STAC: variants seen among roughly 807,000 people sequenced by gnomAD.
STAC encodes the protein SH3 and cysteine rich domain.
Under a neutral mutation model 48.8 loss-of-function variants are expected in STAC, and 43 were observed. That is an observed-to-expected ratio of 0.88 (90% CI 0.69 to 1.14). The LOEUF (loss-of-function observed/expected upper bound fraction) is 1.14, where lower values mean the gene tolerates loss of function less well. Among genes scored for constraint, STAC ranks in the 50% most tolerant of loss-of-function variants. STAC has a pLI of 0.00. For synonymous variants in STAC, 193 were observed against 179.5 expected, an observed-to-expected ratio of 1.07 and a Z score of -0.60; for missense variants, 497 against 504.0, an observed-to-expected ratio of 0.99 and a Z score of 0.13.
intron 6 of STAC, among the ~76,000 whole-genome samples, chr3:36,501,262 T>A (rs987359127): frequency 8.5e-5 from 13 of 152,136 alleles, no homozygotes; most frequent in Non-Finnish European, 1.8e-4. Flanking sequence ...TAAGAAAGTC[T>A]GAAAAGTAAT....
intron 3 of STAC, among the ~76,000 whole-genome samples, chr3:36,484,493 A>G (rs1697746714): frequency 6.6e-6 from 1 of 152,252 alleles, no homozygotes; most frequent in African/African-American, 2.4e-5. Context: ...AACAGAGAAT[A>G]GAATCCAGAT....
chr3:36,516,263 C>T (rs1221688652), intron 8 of STAC, among the ~76,000 whole-genome samples: 2 of 151,890 alleles, frequency 1.3e-5, no homozygotes, highest in Middle Eastern at 3.2e-3. Context: ...ATTACAGGCG[C>T]GAACCACCGT....
chr3:36,538,037 G>A (rs1247299027), intron 10 of STAC, among the ~76,000 whole-genome samples: 2 of 151,750 alleles, frequency 1.3e-5, no homozygotes, highest in African/African-American at 4.8e-5. Flanking sequence ...TTTTTAAGAG[G>A]TATAAAAGAT....
intron 1 of STAC, among the ~76,000 whole-genome samples, chr3:36,416,340 G>T (rs2125639925): frequency 6.6e-6 from 1 of 152,260 alleles, no homozygotes; most frequent in South Asian, 2.1e-4. Flanking sequence ...AACCATGGTG[G>T]CACATGCCTG....
intron 2 of STAC, among the ~76,000 whole-genome samples, chr3:36,455,061 T>A (rs1343635254): frequency 1.3e-5 from 2 of 152,206 alleles, no homozygotes; most frequent in Admixed American, 1.3e-4. Flanking sequence ...GACTAAATAA[T>A]AGACCAGAAA....
intron 2 of STAC, among the ~76,000 whole-genome samples, chr3:36,481,591 C>T (rs931645803): frequency 3.9e-5 from 6 of 152,144 alleles, no homozygotes; most frequent in African/African-American, 1.2e-4. Context: ...CCTGTATCTC[C>T]CCTCTAAAGA....
At position 36,528,879 on chromosome 3, in the gene STAC, C is replaced by T; in HGVS notation, c.1004C>T (p.Pro335Leu). The T allele has an allele frequency of 6.2e-7, 1 of 1,613,496 alleles. No individual in the cohort carries two copies. The highest frequency in any genetic ancestry group is 8.5e-7 in the Non-Finnish European group (1 of 1,179,766). ...ATTCAAGACAGAATTGGCTTCTTTCCAGCCAACTTTGTTCAGAGACTACAA... is the reference window on the plus strand; with the variant it reads ...ATTCAAGACAGAATTGGCTTCTTTCTAGCCAACTTTGTTCAGAGACTACAA... ...GKIQDRIGFF[P>L]ANFVQRLQQN... Residue 335 changes from proline to leucine, a missense_variant, in exon 10 of 11, where the codon CCA (proline) becomes CTA (leucine). Pro to Leu is a moderately conservative substitution (Grantham distance 98). Transcript: ENST00000273183.
chr3:36,524,751 G>A (rs879613603), intron 8 of STAC, among the ~76,000 whole-genome samples: 4 of 151,950 alleles, frequency 2.6e-5, no homozygotes, highest in Admixed American at 2.6e-4. Context: ...AAAGAGTGCT[G>A]AGATTGTTGG....
At chr3:36,539,987 G>T (rs1369347526) in intron 10 of STAC, among the ~76,000 whole-genome samples, 1 of 152,088 alleles carries the variant, frequency 6.6e-6, no homozygotes, top group African/African-American at 2.4e-5. Flanking sequence ...TAGATTATCT[G>T]GATTATCAGG....
chr3:36,389,155 G>C (rs1026737735), intron 1 of STAC, among the ~76,000 whole-genome samples: 3 of 152,008 alleles, frequency 2.0e-5, no homozygotes, highest in African/African-American at 7.2e-5. Flanking sequence ...AATATTTCCT[G>C]CCAAAATTCT....
intron 1 of STAC, among the ~76,000 whole-genome samples, chr3:36,400,895 T>C (rs1699987937): frequency 6.6e-6 from 1 of 152,188 alleles, no homozygotes; most frequent in East Asian, 1.9e-4. Flanking sequence ...GCTCCGATTA[T>C]AGCCTCTGTC....
intron 2 of STAC, among the ~76,000 whole-genome samples, chr3:36,474,952 G>A (rs1233729560): frequency 6.6e-6 from 1 of 152,144 alleles, no homozygotes; most frequent in Non-Finnish European, 1.5e-5. Flanking sequence ...AGTAGAATCA[G>A]GATGAAAATT....
At chr3:36,438,241 A>G (rs1244945043) in intron 1 of STAC, among the ~76,000 whole-genome samples, 1 of 152,176 alleles carries the variant, frequency 6.6e-6, no homozygotes, top group African/African-American at 2.4e-5. Context: ...TGATTGAATT[A>G]TTTAATGAAT....
At chr3:36,440,262 T>C (rs1346996472) in intron 1 of STAC, among the ~76,000 whole-genome samples, 1 of 152,200 alleles carries the variant, frequency 6.6e-6, no homozygotes, top group Admixed American at 6.5e-5. Context: ...AGAACAGCAT[T>C]GTACCAGTTA....
In STAC at chr3:36,547,002, G is replaced by C. The variant is rs1281021112; in HGVS notation, c.*713G>C. 6.6e-6 allele frequency: 1 copy of C among 152,378 alleles called. No individual in the cohort carries two copies. Among genetic ancestry groups the C allele is most frequent in the Non-Finnish European group, 1.5e-5 (1 of 68,184 alleles). 9.4% of individuals were successfully genotyped at this position (152,378 alleles called of 1,614,324 possible). Reference sequence around the variant, plus strand: ...TTCCTGCTGTTCTAGGTACTGGCCTGGGTGACAGAGCAGGACATGAGACAT... The same window carrying C: ...TTCCTGCTGTTCTAGGTACTGGCCTCGGTGACAGAGCAGGACATGAGACAT... On this transcript the variant is annotated 3_prime_UTR_variant, in exon 11 of 11. Transcript: ENST00000273183.
intron 1 of STAC, among the ~76,000 whole-genome samples, chr3:36,401,143 C>T (rs1206191742): frequency 1.3e-5 from 2 of 152,158 alleles, no homozygotes; most frequent in East Asian, 3.9e-4. Flanking sequence ...CCTATGTTTA[C>T]ATTTTGGAGT....
Position 36,483,044 on chromosome 3 carries a change from C to T in STAC, c.441C>T (p.His147=), listed in dbSNP as rs1697697982. 5 of 1,614,208 alleles carry T rather than the reference C, an allele frequency of 3.1e-6. No homozygotes were observed. The highest frequency in any genetic ancestry group is 4.2e-6 in the Non-Finnish European group (5 of 1,180,012). ...GCAAAGCCTGTAAGATGAGCATCCACCACAAGTGCACAGATGGCCTGGCAC... is the reference window on the plus strand; with the variant it reads ...GCAAAGCCTGTAAGATGAGCATCCATCACAAGTGCACAGATGGCCTGGCAC... ...LRCKACKMSI[H]HKCTDGLAPQ... is the part of the protein sequence containing the mutation. The change falls in exon 3 of 11, where the codon CAC becomes CAT. Residue 147 remains histidine, a synonymous_variant. Transcript: ENST00000273183.
In STAC at chr3:36,528,810, G is replaced by A. The variant is rs1217313024; in HGVS notation, c.973-38G>A. The A allele has an allele frequency of 3.1e-6, 5 of 1,607,088 alleles. No homozygotes were observed. In the Admixed American group the frequency reaches 8.5e-5, roughly 27 times the overall value. Reference sequence around the variant, plus strand: ...TCATTTGGTAACTATTATAATACATGCTACAATTGTGGATGCATGCCTCCT... The same window carrying A: ...TCATTTGGTAACTATTATAATACATACTACAATTGTGGATGCATGCCTCCT... On this transcript the variant is annotated intron_variant, in intron 9 of 10. Coordinates refer to ENST00000273183, the MANE Select transcript of STAC (RefSeq NM_003149.3).
chr3:36,432,758 T>C (rs1700736460), intron 1 of STAC, among the ~76,000 whole-genome samples: 1 of 148,694 alleles, frequency 6.7e-6, no homozygotes, highest in South Asian at 2.1e-4. Flanking sequence ...TCATCTTCTA[T>C]GGACTTCAGG....
Sources: gnomAD v4.1 joint callset for allele counts (sites outside exome capture counted in the v4.1 genomes callset) on GRCh38, gnomAD v4.1.1 for gene constraint, MANE v1.5 for transcripts, NCBI Gene and HGNC (gene_info 2026-07-23, HGNC 2026-07-21) for gene names.